KRT20: variants seen among roughly 807,000 people sequenced by gnomAD.
KRT20 encodes keratin 20.
KRT20 carries 41 observed loss-of-function variants against 43.0 expected under a neutral mutation model. That is an observed-to-expected ratio of 0.95 (90% CI 0.74 to 1.24). KRT20 has a LOEUF of 1.24. KRT20 is among the 50% of genes most tolerant of loss of function. The pLI is 0.00. For missense variants in KRT20, 533 were observed against 521.2 expected, an observed-to-expected ratio of 1.02 and a Z score of -0.22; for synonymous variants, 207 against 200.6, an observed-to-expected ratio of 1.03 and a Z score of -0.27.
At position 40,884,936 on chromosome 17, in the gene KRT20, A is replaced by G; in HGVS notation, c.250T>C (p.Tyr84His). The G allele has an allele frequency of 1.2e-6, 2 of 1,614,184 alleles. No homozygotes were observed. The highest frequency in any genetic ancestry group is 1.1e-5 in the South Asian group (1 of 91,086). ...TCCAGGGTCCGCACCTTTTCTAGGT[A>G]GCTCGCTAGACGGTCATTTAGGTTC... Reference protein sequence around the residue: ...MQNLNDRLASYLEKVRTLEQS... With the variant: ...MQNLNDRLASHLEKVRTLEQS... Residue 84 changes from tyrosine to histidine, a missense_variant, in exon 1 of 8, where the codon TAC (tyrosine) becomes CAC (histidine). By Grantham distance (83) the Tyr-to-His change is moderately conservative (BLOSUM62 2). Coordinates refer to ENST00000167588, the MANE Select transcript of KRT20 (RefSeq NM_019010.3).
intron 7 of KRT20, among the ~76,000 whole-genome samples, chr17:40,876,837 T>C (rs1907369059): frequency 6.6e-6 from 1 of 152,204 alleles, no homozygotes; most frequent in South Asian, 2.1e-4. Flanking sequence ...CTTTATGCCA[T>C]GTACAAGATT....
rs1171905317 is a variant in KRT20, at chr17:40,877,431, TA to T, written c.1140-15del. The T allele has an allele frequency of 1.4e-6, 2 of 1,460,264 alleles. No homozygotes were observed. Among genetic ancestry groups the T allele is most frequent in the African/African-American group, 1.5e-5 (1 of 67,418 alleles). The allele number at this position is 1,460,264 out of a possible 1,614,324, so 90.5% of individuals were successfully genotyped here. A position where few individuals can be genotyped will look rare whatever the true frequency, so the allele number is the denominator to read the frequency against. ...TATTCTGTAGTTCTGTTTTTTTTTTTAATGAAAAGAAGAAAAAAGAAACAGA... is the reference window on the plus strand; with the variant it reads ...TATTCTGTAGTTCTGTTTTTTTTTTTATGAAAAGAAGAAAAAAGAAACAGA... On this transcript the variant is annotated splice_polypyrimidine_tract_variant and intron_variant, in intron 6 of 7. Transcript: ENST00000167588.
intron 1 of KRT20, 152 bp downstream of exon 1, chr17:40,884,644 C>T (rs1907727438): frequency 5.2e-6 from 4 of 762,032 alleles, no homozygotes; most frequent in Admixed American, 2.9e-5. Flanking sequence ...TCAGGTACTC[C>T]AGCACTAAAG....
At chr17:40,877,265 T>C (rs1683544320) in intron 7 of KRT20, 115 bp downstream of exon 7, 3 of 724,524 alleles carry the variant, frequency 4.1e-6, no homozygotes, top group Non-Finnish European at 7.0e-6. Context: ...TCAGGTATTC[T>C]GTCACAGCAG....
At chr17:40,879,147 C>T (rs1021867529) in intron 5 of KRT20, among the ~76,000 whole-genome samples, 2 of 152,162 alleles carry the variant, frequency 1.3e-5, no homozygotes, top group Admixed American at 1.3e-4. Flanking sequence ...AGGACACTGG[C>T]ATGTCCTAGG....
At position 40,877,429 on chromosome 17, in the gene KRT20, T is replaced by C; in HGVS notation, c.1140-12A>G. The C allele has an allele frequency of 6.7e-7, 1 of 1,482,834 alleles. No individual in the cohort carries two copies. Among genetic ancestry groups the C allele is most frequent in the Non-Finnish European group, 9.0e-7 (1 of 1,113,108 alleles). The allele number at this position is 1,482,834 out of a possible 1,614,324, so 91.9% of individuals were successfully genotyped here. On this transcript the variant is annotated splice_polypyrimidine_tract_variant and intron_variant, in intron 6 of 7. Transcript: ENST00000167588. ...GATATTCTGTAGTTCTGTTTTTTTT[T>C]TTAATGAAAAGAAGAAAAAAGAAAC...
At chr17:40,880,590 T>A (rs772368312) in intron 3 of KRT20, 24 bp downstream of exon 3, 1 of 1,602,572 alleles carries the variant, frequency 6.2e-7, no homozygotes, top group Non-Finnish European at 8.5e-7. Context: ...TTGTTTCCAA[T>A]ACCACTTCTG....
intron 4 of KRT20, 32 bp downstream of exon 4, chr17:40,880,068 C>T (rs373749620): frequency 1.6e-5 from 25 of 1,600,994 alleles, no homozygotes; most frequent in African/African-American, 1.3e-4. Flanking sequence ...AGCATCTACA[C>T]GTTTGCTCAC....
At chr17:40,879,730 G>T in intron 5 of KRT20, 83 bp downstream of exon 5, 1 of 1,469,322 alleles carries the variant, frequency 6.8e-7, no homozygotes, top group African/African-American at 1.4e-5. Context: ...ATTTCTTGTA[G>T]GTCTTTGCAT....
At chr17:40,880,027 A>G (rs967717480) in intron 4 of KRT20, 73 bp downstream of exon 4, 12 of 1,594,924 alleles carry the variant, frequency 7.5e-6, no homozygotes, top group Non-Finnish European at 8.6e-6. Context: ...AACAAATGAA[A>G]AAGAAAATGA....
chr17:40,882,769 G>T (rs1907658238), intron 1 of KRT20, 115 bp from the exon 2 acceptor site: 2 of 289,320 alleles, frequency 6.9e-6, no homozygotes, highest in Non-Finnish European at 1.2e-5. Context: ...GAGTGCAATG[G>T]TACGATCTCG....
At position 40,880,747 on chromosome 17, in the gene KRT20, C is replaced by G; in HGVS notation, c.497G>C (p.Arg166Pro). The G allele has an allele frequency of 1.3e-6, 2 of 1,565,640 alleles. No individual in the cohort carries two copies. Among genetic ancestry groups the G allele is most frequent in the Non-Finnish European group, 1.7e-6 (2 of 1,156,968 alleles). ...TTGGAGATCAGCTTCCACTGTTAGA[C>G]GTATTCCTCTCTCAGTCTCATACCT... ...RLKYETERGIRLTVEADLQGL... is the reference protein window; with the variant it reads ...RLKYETERGIPLTVEADLQGL... The change falls in exon 3 of 8, where the codon CGT becomes CCT. Residue 166 changes from arginine to proline, a missense_variant. Coordinates refer to ENST00000167588, the MANE Select transcript of KRT20 (RefSeq NM_019010.3).
chr17:40,877,563 G>C, intron 6 of KRT20, 146 bp from the exon 7 acceptor site: 1 of 508,206 alleles, frequency 2.0e-6, no homozygotes, highest in South Asian at 3.9e-5. Context: ...CTTTTACATT[G>C]CTTTTATTGC....
In KRT20 at chr17:40,879,889, C is replaced by A; in HGVS notation, c.842G>T (p.Gly281Val). The part of the protein sequence containing the change: ...QVTVNTEELK[G>V]TEVQLTELRR... ...CAGCTCCGTTAGTTGAACCTCAGTTCCTTTTAATTCTTCAGTATTCACTGT... is the reference window on the plus strand; with the variant it reads ...CAGCTCCGTTAGTTGAACCTCAGTTACTTTTAATTCTTCAGTATTCACTGT... The change falls in exon 5 of 8, where the codon GGA becomes GTA. Residue 281 changes from glycine (G) to valine (V), a missense_variant. Physicochemically the swap from Gly to Val is moderately radical, Grantham distance 109 (BLOSUM62 -3). Transcript: ENST00000167588. 7 of 1,613,500 alleles carry A rather than the reference C, an allele frequency of 4.3e-6. No individual in the cohort carries two copies. The highest frequency in any genetic ancestry group is 5.9e-6 in the Non-Finnish European group (7 of 1,179,912).
At chr17:40,879,262 A>G (rs1372973394) in intron 5 of KRT20, among the ~76,000 whole-genome samples, 2 of 152,128 alleles carry the variant, frequency 1.3e-5, no homozygotes, top group Non-Finnish European at 2.9e-5. Flanking sequence ...TTACCACAAC[A>G]TAATTTGTCA....
chr17:40,884,886 C>T lies in KRT20; in HGVS notation c.300G>A (p.Val100=), dbSNP rs1907738577. ...TLEQSNSKLE[V]QIKQWYETNA... The stretch of plus-strand genomic sequence containing the variant: ...TGGTTTCGTACCACTGCTTGATTTG[C>T]ACTTCAAGTTTGGAGTTGGACTGCT... The change falls in exon 1 of 8, where the codon GTG becomes GTA. Residue 100 remains valine (V), a synonymous_variant. Coordinates refer to ENST00000167588, the MANE Select transcript of KRT20 (RefSeq NM_019010.3). 6.2e-7 allele frequency: 1 copy of T among 1,614,226 alleles called. No individual in the cohort carries two copies. Among genetic ancestry groups the T allele is most frequent in the African/African-American group, 1.3e-5 (1 of 75,060 alleles).
At chr17:40,879,466 G>C (rs1206069679) in intron 5 of KRT20, among the ~76,000 whole-genome samples, 1 of 152,098 alleles carries the variant, frequency 6.6e-6, no homozygotes, top group Admixed American at 6.6e-5. Flanking sequence ...TTTAATACCT[G>C]AGTGATGAAA....
chr17:40,881,275 G>T (rs903667284), intron 2 of KRT20, among the ~76,000 whole-genome samples: 3 of 149,770 alleles, frequency 2.0e-5, no homozygotes, highest in Non-Finnish European at 4.4e-5. Flanking sequence ...TTGAGACAGG[G>T]TCCCACTCTG....
At position 40,879,756 on chromosome 17, in the gene KRT20, C is replaced by A. The variant is rs151046584; in HGVS notation, c.918+57G>T. 4.0e-4 allele frequency: 642 copies of A among 1,598,656 alleles called. 4 individuals carry two copies. In the East Asian group the frequency reaches 0.014, roughly 35 times the overall value. On this transcript the variant is annotated intron_variant, in intron 5 of 7. Coordinates refer to ENST00000167588, the MANE Select transcript of KRT20 (RefSeq NM_019010.3). Reference sequence around the variant, plus strand: ...GTCTTTGCATTTCTATAGTTCCTAACAGAGGACCTTGGTAAACACATACTA... The same window carrying A: ...GTCTTTGCATTTCTATAGTTCCTAAAAGAGGACCTTGGTAAACACATACTA...
Sources: allele counts gnomAD v4.1 joint callset (sites outside exome capture counted in the v4.1 genomes callset), GRCh38; gene constraint gnomAD v4.1.1; transcripts MANE v1.5; gene names NCBI Gene and HGNC (gene_info 2026-07-23, HGNC 2026-07-21).